Variants in NCK2 observed in about 807,000 individuals in gnomAD.
The protein encoded by NCK2 is cytoplasmic protein NCK2.
A neutral mutation model predicts 33.9 loss-of-function variants in NCK2; 16 were observed. The ratio of observed to expected loss-of-function variants is 0.47; its 90% CI spans 0.32 to 0.72. The LOEUF (loss-of-function observed/expected upper bound fraction) is 0.72. Among genes scored for constraint, NCK2 ranks in the 30% least tolerant of loss-of-function variants. NCK2 has a pLI of 0.03. For synonymous variants in NCK2, 273 were observed against 239.9 expected, an observed-to-expected ratio of 1.14 and a Z score of -1.27; for missense variants, 418 against 537.3, an observed-to-expected ratio of 0.78 and a Z score of 2.19.
intron 3 of NCK2, among the ~76,000 whole-genome samples, chr2:105,867,872 A>G (rs1425791408): frequency 6.6e-6 from 1 of 152,242 alleles, no homozygotes; most frequent in Non-Finnish European, 1.5e-5. Flanking sequence ...CGAATAAAGA[A>G]ACGTGAACCA....
At chr2:105,744,788 T>C (rs1689203716), upstream of NCK2, 1 of 149,268 alleles carries the variant, frequency 6.7e-6, no homozygotes, top group South Asian at 1.8e-4. Context: ...CTGGGCGGCG[T>C]CACGGCGCGG....
At chr2:105,854,009 G>A (rs1437029996) in intron 2 of NCK2, 1 of 152,178 alleles carries the variant, frequency 6.6e-6, no homozygotes, top group Non-Finnish European at 1.5e-5. Context: ...ATGCAGAGAT[G>A]GACACGGAAG....
Position 105,765,786 on chromosome 2 carries a change from G to GTGTGT in NCK2, c.-201+20648_-201+20649insTGTGT, listed in dbSNP as rs1553451275. ...CCCACAGATACAGCTTAGAATAGGG[G>GTGTGT]GTGTGTGTGTGTGTGTGTGTGTGTG... On this transcript the variant is annotated intron_variant, in intron 1 of 4. Coordinates refer to ENST00000233154, the MANE Select transcript of NCK2 (RefSeq NM_003581.5). Among the ~76,000 whole-genome samples the GTGTGT allele has an allele frequency of 8.8e-3, 1,300 of 147,332 alleles. 24 individuals carry two copies. Among genetic ancestry groups the GTGTGT allele is most frequent in the African/African-American group, 0.031 (1,246 of 39,910 alleles).
chr2:105,754,158 T>G (rs1295583087), intron 1 of NCK2, among the ~76,000 whole-genome samples: 5 of 152,340 alleles, frequency 3.3e-5, no homozygotes, highest in Non-Finnish European at 5.9e-5. Flanking sequence ...GGCAGTTTCT[T>G]TCAACTCACA....
chr2:105,857,972 C>T (rs1414117870), intron 3 of NCK2, among the ~76,000 whole-genome samples: 3 of 152,112 alleles, frequency 2.0e-5, no homozygotes, highest in Non-Finnish European at 4.4e-5. Flanking sequence ...AGAATGCTTT[C>T]CATAGCCCCT....
intron 1 of NCK2, among the ~76,000 whole-genome samples, chr2:105,796,821 G>A (rs1400944436): frequency 6.6e-6 from 1 of 152,130 alleles, no homozygotes; most frequent in Non-Finnish European, 1.5e-5. Context: ...CCATGGAAAG[G>A]AAATATATAT....
At chr2:105,847,673 A>T (rs1676904416) in intron 2 of NCK2, among the ~76,000 whole-genome samples, 1 of 152,152 alleles carries the variant, frequency 6.6e-6, no homozygotes, top group African/African-American at 2.4e-5. Context: ...GCAAAGAGGG[A>T]GGAGAATTCA....
In NCK2 at chr2:105,855,168, C is replaced by T; in HGVS notation, c.105C>T (p.Ser35=). The change falls in exon 3 of 5, where the codon TCC becomes TCT. Residue 35 remains serine (S), a synonymous_variant. Transcript: ENST00000233154. Reference sequence around the variant, plus strand: ...AGCGGCTGTGGTTGCTGGACGACTCCAAGACGTGGTGGCGGGTGAGGAACG... The same window carrying T: ...AGCGGCTGTGGTTGCTGGACGACTCTAAGACGTGGTGGCGGGTGAGGAACG... The part of the protein sequence containing the change: ...KNERLWLLDD[S]KTWWRVRNAA... The T allele has an allele frequency of 6.8e-6, 11 of 1,614,158 alleles. No individual in the cohort carries two copies. The highest frequency in any genetic ancestry group is 9.3e-6 in the Non-Finnish European group (11 of 1,180,024).
chr2:105,851,406 G>C (rs965092153), intron 2 of NCK2, among the ~76,000 whole-genome samples: 1 of 152,156 alleles, frequency 6.6e-6, no homozygotes, highest in Non-Finnish European at 1.5e-5. Context: ...TGGGACTACA[G>C]GAGCGTGCCA....
At chr2:105,758,406 TGTTTTTG>T (rs1447916026) in intron 1 of NCK2, among the ~76,000 whole-genome samples, 2 of 135,116 alleles carry the variant, frequency 1.5e-5, no homozygotes, top group East Asian at 2.3e-4. Context: ...TTGTTTTTGT[TGTTTTTG>T]TTTTTTTTTT....
chr2:105,845,202 T>C (rs180698840), intron 2 of NCK2, among the ~76,000 whole-genome samples: 2 of 152,184 alleles, frequency 1.3e-5, no homozygotes, highest in Non-Finnish European at 2.9e-5. Flanking sequence ...CCTAATAATA[T>C]TTTAACATTA....
intron 1 of NCK2, among the ~76,000 whole-genome samples, chr2:105,792,387 C>CTG (rs200169103): frequency 0.019 from 2,853 of 152,292 alleles, 50 homozygotes; most frequent in Non-Finnish European, 0.022. Flanking sequence ...CCTATAGACT[C>CTG]TAACAGATTA....
chr2:105,811,180 G>A (rs529376635), intron 1 of NCK2, among the ~76,000 whole-genome samples: 155 of 138,742 alleles, frequency 1.1e-3, no homozygotes, highest in African/African-American at 3.9e-3. Context: ...AAAAAAAAAT[G>A]CATTATGGCT....
At chr2:105,884,892 C>G (rs923843575) in intron 4 of NCK2, among the ~76,000 whole-genome samples, 1 of 152,130 alleles carries the variant, frequency 6.6e-6, no homozygotes, top group Admixed American at 6.5e-5. Context: ...CTCCATATTT[C>G]GTTATCATAC....
chr2:105,834,952 A>G (rs1169051500), intron 2 of NCK2, among the ~76,000 whole-genome samples: 1 of 152,162 alleles, frequency 6.6e-6, no homozygotes, highest in African/African-American at 2.4e-5. Context: ...TACTGGGATT[A>G]CAAGCATGAT....
At chr2:105,748,533 C>T (rs1196626397) in intron 1 of NCK2, among the ~76,000 whole-genome samples, 9 of 152,128 alleles carry the variant, frequency 5.9e-5, no homozygotes, top group African/African-American at 2.2e-4. Flanking sequence ...CTCCGAGTAG[C>T]TGGGACTACG....
intron 1 of NCK2, among the ~76,000 whole-genome samples, chr2:105,759,518 AG>A (rs1207698512): frequency 6.6e-6 from 1 of 152,238 alleles, no homozygotes; most frequent in Non-Finnish European, 1.5e-5. Context: ...ATTTTAGAAT[AG>A]ATTTTAAATT....
chr2:105,750,255 G>C (rs1453840234), intron 1 of NCK2, among the ~76,000 whole-genome samples: 1 of 152,104 alleles, frequency 6.6e-6, no homozygotes, highest in South Asian at 2.1e-4. Flanking sequence ...GAGAGGTCTG[G>C]TGTTTCTTCC....
intron 1 of NCK2, among the ~76,000 whole-genome samples, chr2:105,761,880 T>C (rs1191793722): frequency 6.6e-6 from 1 of 152,216 alleles, no homozygotes; most frequent in Non-Finnish European, 1.5e-5. Flanking sequence ...CAAAAAAGAC[T>C]GAATACAGAC....
Sources: gnomAD v4.1 joint callset for allele counts (sites outside exome capture counted in the v4.1 genomes callset) on GRCh38, gnomAD v4.1.1 for gene constraint, MANE v1.5 for transcripts, NCBI Gene and HGNC (gene_info 2026-07-23, HGNC 2026-07-21) for gene names.